TAFAZZIN: variants seen among roughly 807,000 people sequenced by gnomAD.
TAFAZZIN encodes the protein protein G4.5.
In TAFAZZIN, 6 loss-of-function variants were observed where a neutral mutation model predicts 27.3. That is an observed-to-expected ratio of 0.22 (90% CI 0.12 to 0.43). The LOEUF (loss-of-function observed/expected upper bound fraction) is 0.43. TAFAZZIN is among the 20% of genes least tolerant of loss of function. The pLI is 1.00. For missense variants in TAFAZZIN, 127 were observed against 244.5 expected (o/e 0.52, Z 3.21); for synonymous variants, 79 against 96.2 (o/e 0.82, Z 1.04).
chrX:154,417,469 G>A (rs1022350949), intron 5 of TAFAZZIN, among the ~76,000 whole-genome samples: 14 of 112,838 alleles, frequency 1.2e-4, no homozygotes, highest in Non-Finnish European at 2.4e-4. Context: ...AGACCGCAGG[G>A]GCGGCAACTC....
intron 5 of TAFAZZIN, among the ~76,000 whole-genome samples, chrX:154,417,809 T>G (rs781980731): frequency 1.6e-4 from 18 of 111,833 alleles, no homozygotes; most frequent in Admixed American, 4.8e-4. Flanking sequence ...ACCGTGGCAT[T>G]GTTTATCCCA....
At chrX:154,420,603 C>T (rs984184754) in intron 9 of TAFAZZIN, 55 bp from the exon 10 acceptor site, 1 of 1,184,649 alleles carries the variant, frequency 8.4e-7, no homozygotes, top group Non-Finnish European at 1.1e-6. Context: ...GTTGCTTGGG[C>T]TGGGGCTGTG....
chrX:154,421,360 C>A lies in TAFAZZIN; in HGVS notation c.*356C>A, dbSNP rs1281662047. 6 of 375,747 alleles carry A rather than the reference C, an allele frequency of 1.6e-5. No individual in the cohort carries two copies. The highest frequency in any genetic ancestry group is 3.0e-5 in the Non-Finnish European group (6 of 199,845). 31.0% of individuals were successfully genotyped at this position (375,747 alleles called of 1,213,427 possible). ...CCCACCAGAGCTGTGGAGAGGGGAC[C>A]CTAAGACTCCTCGGCCTGGCTCCTA... is the stretch of plus-strand genomic sequence containing the variant. On this transcript the variant is annotated 3_prime_UTR_variant, in exon 11 of 11. Coordinates refer to ENST00000601016, the MANE Select transcript of TAFAZZIN (RefSeq NM_000116.5).
chrX:154,412,966 A>G (rs2068360418), intron 2 of TAFAZZIN: 1 of 446,267 alleles, frequency 2.2e-6, no homozygotes, highest in Non-Finnish European at 4.0e-6. Flanking sequence ...AAGAATGGGC[A>G]TTGTCCAAGT....
intron 5 of TAFAZZIN, among the ~76,000 whole-genome samples, chrX:154,417,973 G>A (rs1279778366): frequency 2.7e-5 from 3 of 112,387 alleles, no homozygotes; most frequent in Middle Eastern, 4.6e-3. Flanking sequence ...TTCTCCAAGC[G>A]TAGATTTTAA....
intron 5 of TAFAZZIN, among the ~76,000 whole-genome samples, chrX:154,415,565 T>C (rs1438668454): frequency 9.0e-6 from 1 of 111,289 alleles, no homozygotes; most frequent in Non-Finnish European, 1.9e-5. Flanking sequence ...CATACATAGA[T>C]AGATAAGATA....
rs782123597 is a variant in TAFAZZIN, at chrX:154,411,912, C to T, written c.69C>T (p.Val23=). 2 of 1,208,119 alleles carry T rather than the reference C, an allele frequency of 1.7e-6. No homozygotes were observed. The highest frequency in any genetic ancestry group is 4.4e-5 in the Admixed American group (2 of 45,975). Reference sequence around the variant, plus strand: ...TCACCTGGACCCTGGCCAGCAGCGTCGTCATGGGCTTGGTGGGCACCTACA... The same window carrying T: ...TCACCTGGACCCTGGCCAGCAGCGTTGTCATGGGCTTGGTGGGCACCTACA... ...PPLTWTLASS[V]VMGLVGTYSC... The change falls in exon 1 of 11, where the codon GTC becomes GTT. Residue 23 remains valine, a synonymous_variant. Transcript: ENST00000601016.
At position 154,414,085 on chromosome X, in the gene TAFAZZIN, G is replaced by T. The variant is rs782565538; in HGVS notation, c.371-16G>T. The T allele has an allele frequency of 8.8e-7, 1 of 1,133,836 alleles. No individual in the cohort carries two copies. The allele number at this position is 1,133,836 out of a possible 1,213,427, so 93.4% of individuals were successfully genotyped here. On this transcript the variant is annotated splice_polypyrimidine_tract_variant and intron_variant, in intron 4 of 10. Transcript: ENST00000601016. ...CAAAGCCAGGATTTGAATCCAGATT[G>T]CTCCTTCCTCTGCAGGAGCAGAATT... is the stretch of plus-strand genomic sequence containing the variant.
At chrX:154,413,613 G>A in intron 4 of TAFAZZIN, 46 bp downstream of exon 4, 4 of 1,177,613 alleles carry the variant, frequency 3.4e-6, no homozygotes, top group Non-Finnish European at 4.6e-6. Context: ...TCTGGGGCAG[G>A]AAAGCTGGTG....
At chrX:154,413,635 T>C (rs1173957232) in intron 4 of TAFAZZIN, 68 bp downstream of exon 4, 2 of 1,109,598 alleles carry the variant, frequency 1.8e-6, no homozygotes, top group Non-Finnish European at 2.5e-6. Context: ...CCAGTGTCTC[T>C]GTTTTGGAGG....
rs2068362955 is a variant in TAFAZZIN, at chrX:154,413,017, G to A, written c.239-190G>A. 7.7e-6 allele frequency: 4 copies of A among 521,846 alleles called. No homozygotes were observed. In the South Asian group the frequency reaches 1.1e-4, roughly 15 times the overall value. The allele number at this position is 521,846 out of a possible 1,213,427, so 43.0% of individuals were successfully genotyped here. ...GCAGTCCAGGTGCAGTGATTAGTAA[G>A]ATGTGGAGGGTGGGGGAGAGGGAGG... is the stretch of plus-strand genomic sequence containing the variant. On this transcript the variant is annotated intron_variant, in intron 2 of 10. Transcript: ENST00000601016.
intron 5 of TAFAZZIN, among the ~76,000 whole-genome samples, chrX:154,415,260 T>C (rs1348149167): frequency 1.8e-5 from 2 of 109,612 alleles, no homozygotes; most frequent in African/African-American, 6.7e-5. Context: ...AATTCTTTTT[T>C]TTTTTTGGTA....
intron 3 of TAFAZZIN, 101 bp from the exon 4 acceptor site, chrX:154,413,381 G>T: frequency 2.5e-6 from 3 of 1,207,867 alleles, no homozygotes; most frequent in Non-Finnish European, 3.4e-6. Flanking sequence ...GTGGGGCCCC[G>T]CAGGCCCTCC....
At chrX:154,412,418 A>C in intron 2 of TAFAZZIN, 1 of 509,790 alleles carries the variant, frequency 2.0e-6, no homozygotes, top group Non-Finnish European at 3.2e-6. Flanking sequence ...GGCCTTGGGC[A>C]TGGAGCAGGA....
chrX:154,412,277 C>T (rs1446797324), intron 2 of TAFAZZIN, 63 bp downstream of exon 2: 8 of 1,150,021 alleles, frequency 7.0e-6, no homozygotes, highest in African/African-American at 1.8e-5. Context: ...GGCCCAGCCT[C>T]GTCAGAACAA....
chrX:154,414,213 C>T (rs1406649230), intron 5 of TAFAZZIN, 23 bp downstream of exon 5: 7 of 1,175,018 alleles, frequency 6.0e-6, no homozygotes, highest in Non-Finnish European at 8.1e-6. Context: ...TAGCGGTTCA[C>T]ACTTGTCATC....
chrX:154,419,896 C>T, intron 7 of TAFAZZIN, 136 bp from the exon 8 acceptor site: 1 of 1,082,674 alleles, frequency 9.2e-7, no homozygotes, highest in Non-Finnish European at 1.3e-6. Flanking sequence ...GAGACTAGGC[C>T]TGCCTCTCGC....
At chrX:154,420,481 G>A (rs1397447183) in intron 9 of TAFAZZIN, among the ~76,000 whole-genome samples, 177 bp from the exon 10 acceptor site, 2 of 110,279 alleles carry the variant, frequency 1.8e-5, no homozygotes, top group South Asian at 3.9e-4. Context: ...GGTCAGGACA[G>A]GACAGGTCAT....
intron 5 of TAFAZZIN, among the ~76,000 whole-genome samples, chrX:154,417,305 A>C (rs1396416178): frequency 1.8e-5 from 2 of 111,421 alleles, no homozygotes; most frequent in African/African-American, 6.5e-5. Context: ...GGCCAGAGAG[A>C]AAAGCAAACC....
Sources: gnomAD v4.1 joint callset for allele counts (sites outside exome capture counted in the v4.1 genomes callset) on GRCh38, gnomAD v4.1.1 for gene constraint, MANE v1.5 for transcripts, NCBI Gene and HGNC (gene_info 2026-07-23, HGNC 2026-07-21) for gene names.